The following WDR4 variants were observed in gnomAD, a reference collection of about 807,000 sequenced individuals.
WDR4 encodes the protein WDR4 tRNA N7-guanosine methyltransferase non-catalytic subunit.
WDR4 carries 47 observed loss-of-function variants against 48.6 expected under a neutral mutation model. The observed-to-expected ratio is 0.97, with a 90% CI of 0.77 to 1.23. The LOEUF is 1.23. Ranked by LOEUF, WDR4 falls within the 50% of genes most tolerant of loss-of-function variation. The pLI is 0.00. For missense variants in WDR4, 606 were observed against 551.6 expected (o/e 1.10, Z -0.99); for synonymous variants, 268 against 230.0 (o/e 1.17, Z -1.49).
chr21:42,872,095 C>G (rs765375295), intron 3 of WDR4, among the ~76,000 whole-genome samples: 1 of 152,096 alleles, frequency 6.6e-6, no homozygotes, highest in Non-Finnish European at 1.5e-5. Flanking sequence ...GGAGATTCTC[C>G]TGCCTCAGCC....
At chr21:42,873,144 A>C (rs73368757) in intron 3 of WDR4, among the ~76,000 whole-genome samples, 5,697 of 152,218 alleles carry the variant, frequency 0.037, 350 homozygotes, top group African/African-American at 0.13. Flanking sequence ...CAGACCCCTC[A>C]ACAGACCCCA....
chr21:42,861,718 C>A (rs2058120906), intron 5 of WDR4, among the ~76,000 whole-genome samples: 1 of 152,244 alleles, frequency 6.6e-6, no homozygotes, highest in African/African-American at 2.4e-5. Context: ...CCTCCAATTT[C>A]TTCCACTGCC....
chr21:42,848,840 T>A (rs111174481), downstream of WDR4, among the ~76,000 whole-genome samples: 6 of 17,570 alleles, frequency 3.4e-4, no homozygotes, highest in African/African-American at 7.2e-4. Context: ...CGCACCTCAC[T>A]CACAGCACAC....
At chr21:42,873,292 C>T (rs2058413108) in intron 3 of WDR4, among the ~76,000 whole-genome samples, 1 of 152,188 alleles carries the variant, frequency 6.6e-6, no homozygotes, top group Non-Finnish European at 1.5e-5. Context: ...TCTTCCGAGC[C>T]CACTGATCGG....
intron 10 of WDR4, among the ~76,000 whole-genome samples, chr21:42,850,664 C>T (rs1237574818): frequency 2.0e-5 from 3 of 152,258 alleles, no homozygotes; most frequent in South Asian, 2.1e-4. Flanking sequence ...TGAGTGAAGT[C>T]GGGCCCTGCC....
chr21:42,885,622 A>G, the WDR4 span, among the ~76,000 whole-genome samples: 1 of 151,954 alleles, frequency 6.6e-6, no homozygotes, highest in South Asian at 2.1e-4. Context: ...AAAAATATAT[A>G]GATAGATAGA....
At position 42,873,663 on chromosome 21, in the gene WDR4, C is replaced by A; in HGVS notation, c.184G>T (p.Gly62Cys). Residue 62 changes from glycine to cysteine, a missense_variant, in exon 3 of 11, where the codon GGT becomes TGT. By Grantham distance (159) the Gly-to-Cys change is radical. Transcript: ENST00000398208. The stretch of plus-strand genomic sequence containing the variant: ...GAGAAGGTGGACGCCAGAATCGCAC[C>A]GCTCCCCTGGTCCAAGGGCGCGTCC... ...GEDAPLDQGS[G>C]AILASTFSKS... is the part of the protein sequence containing the mutation. 6.2e-7 allele frequency: 1 copy of A among 1,614,050 alleles called. No homozygotes were observed. The highest frequency in any genetic ancestry group is 8.5e-7 in the Non-Finnish European group (1 of 1,179,998).
At chr21:42,871,647 T>G (rs992639789) in intron 3 of WDR4, among the ~76,000 whole-genome samples, 1 of 152,196 alleles carries the variant, frequency 6.6e-6, no homozygotes, top group African/African-American at 2.4e-5. Flanking sequence ...AACTCAGACA[T>G]GTAGGGACAT....
Position 42,873,407 on chromosome 21 carries a change from T to C in WDR4, c.296+144A>G, listed in dbSNP as rs1358868744. On this transcript the variant is annotated intron_variant, in intron 3 of 10. Coordinates refer to ENST00000398208, the MANE Select transcript of WDR4 (RefSeq NM_018669.6). ...AGATCAGCCAACACACATGTGGCAC[T>C]GAAAGTGGTGTCTGGCACTGAACTG... 2.5e-6 allele frequency: 3 copies of C among 1,198,988 alleles called. No individual in the cohort carries two copies. The African/African-American group carries it at 4.6e-5, about 18-fold the overall frequency. 74.3% of individuals were successfully genotyped at this position (1,198,988 alleles called of 1,614,324 possible). A position where few individuals can be genotyped will look rare whatever the true frequency, so the allele number is the denominator to read the frequency against.
At chr21:42,859,880 T>A (rs1473840041) in intron 5 of WDR4, among the ~76,000 whole-genome samples, 158 bp from the exon 6 acceptor site, 1 of 152,026 alleles carries the variant, frequency 6.6e-6, no homozygotes, top group East Asian at 1.9e-4. Context: ...CTGTTAACCC[T>A]AACCTGGTTA....
intron 7 of WDR4, 137 bp from the exon 8 acceptor site, chr21:42,854,763 C>A: frequency 1.3e-6 from 1 of 767,646 alleles, no homozygotes; most frequent in Non-Finnish European, 2.1e-6. Flanking sequence ...CTGGAACATT[C>A]TGGAATCAGT....
intron 1 of WDR4, 85 bp from the exon 2 acceptor site, chr21:42,876,852 C>G (rs1415555283): frequency 7.8e-7 from 1 of 1,277,192 alleles, no homozygotes; most frequent in East Asian, 2.6e-5. Context: ...GAGTTTCGCT[C>G]TCGTTGTCCA....
At chr21:42,854,847 T>C (rs1213518668) in intron 7 of WDR4, among the ~76,000 whole-genome samples, 1 of 152,048 alleles carries the variant, frequency 6.6e-6, no homozygotes, top group African/African-American at 2.4e-5. Context: ...TGGCACTCCC[T>C]GCAGGGCCTG....
intron 10 of WDR4, among the ~76,000 whole-genome samples, chr21:42,851,059 C>T (rs955502240): frequency 3.9e-5 from 6 of 152,226 alleles, no homozygotes; most frequent in Non-Finnish European, 8.8e-5. Context: ...AACGCAGGCC[C>T]CCAAGTCTGC....
At chr21:42,851,020 TAGCAGC>T (rs974229730) in intron 10 of WDR4, among the ~76,000 whole-genome samples, 2 of 152,070 alleles carry the variant, frequency 1.3e-5, no homozygotes, top group African/African-American at 4.8e-5. Context: ...TGGGACACTC[TAGCAGC>T]AGCCCTCCCC....
intron 9 of WDR4, among the ~76,000 whole-genome samples, chr21:42,852,915 C>CAAAA (rs56058858): frequency 7.4e-6 from 1 of 135,366 alleles, no homozygotes; most frequent in African/African-American, 2.7e-5. Context: ...AACTCCGTCT[C>CAAAA]AAAAAAAAAA....
Position 42,862,981 on chromosome 21 carries a change from C to T in WDR4, c.453+459G>A, listed in dbSNP as rs1379771175. ...GTGACAGGGGCTGCTGGGAGCAGTG[C>T]TGAGGTGATGCTCCTACAGCACCTG... On this transcript the variant is annotated intron_variant, in intron 4 of 10. Coordinates refer to ENST00000398208, the MANE Select transcript of WDR4 (RefSeq NM_018669.6). This position sits in a 1 kb window ranked among gnomAD's most constrained non-coding sequence, Gnocchi z 4.3. 1.3e-5 allele frequency among the ~76,000 whole-genome samples: 2 copies of T among 152,176 alleles called. No homozygotes were observed. The highest frequency in any genetic ancestry group is 2.9e-5 in the Non-Finnish European group (2 of 68,018).
At chr21:42,891,466 C>A in the WDR4 span, among the ~76,000 whole-genome samples, 4 of 152,082 alleles carry the variant, frequency 2.6e-5, no homozygotes, top group Non-Finnish European at 5.9e-5. Flanking sequence ...AGCAAGATGT[C>A]AACATCTGCC....
At chr21:42,885,035 C>T in the WDR4 span, among the ~76,000 whole-genome samples, 1 of 152,266 alleles carries the variant, frequency 6.6e-6, no homozygotes, top group South Asian at 2.1e-4. Flanking sequence ...CTTGGCTTCC[C>T]AAATTGCTGG....
Sources: allele counts gnomAD v4.1 joint callset (sites outside exome capture counted in the v4.1 genomes callset), GRCh38; gene constraint gnomAD v4.1.1; non-coding constraint Gnocchi (gnomAD v3.1); transcripts MANE v1.5; gene names NCBI Gene and HGNC (gene_info 2026-07-23, HGNC 2026-07-21).